Variants in PLSCR5 observed in about 807,000 individuals in gnomAD.
The protein encoded by PLSCR5 is phospholipid scramblase family member 5.
PLSCR5 carries 44 observed loss-of-function variants against 33.6 expected under a neutral mutation model. The ratio of observed to expected loss-of-function variants is 1.31; its 90% CI spans 1.03 to 1.69. The LOEUF is 1.69. PLSCR5 is among the 40% of genes most tolerant of loss of function. The pLI, the probability that PLSCR5 is intolerant of heterozygous loss-of-function variation, is 0.00. For missense variants in PLSCR5, 375 were observed against 318.7 expected (o/e 1.18, Z -1.34); for synonymous variants, 148 against 112.3 (o/e 1.32, Z -2.01).
chr3:146,584,398 G>T (rs1446106849), downstream of PLSCR5, among the ~76,000 whole-genome samples: 1 of 152,150 alleles, frequency 6.6e-6, no homozygotes, highest in African/African-American at 2.4e-5. Flanking sequence ...TCCAGGTTAT[G>T]TCTATTGCAT....
At chr3:146,584,553 C>A (rs2044653949), downstream of PLSCR5, among the ~76,000 whole-genome samples, 1 of 152,118 alleles carries the variant, frequency 6.6e-6, no homozygotes, top group Non-Finnish European at 1.5e-5. Flanking sequence ...AATTCCTAAA[C>A]TACTCTGCCT....
intron 1 of PLSCR5, among the ~76,000 whole-genome samples, chr3:146,603,448 A>C (rs2044837149): frequency 6.6e-6 from 1 of 152,066 alleles, no homozygotes; most frequent in South Asian, 2.1e-4. Flanking sequence ...CCATGCATTA[A>C]ATATTTTGAG....
At chr3:146,582,793 T>C (rs1442651742), downstream of PLSCR5, among the ~76,000 whole-genome samples, 1 of 152,232 alleles carries the variant, frequency 6.6e-6, no homozygotes, top group Non-Finnish European at 1.5e-5. Context: ...CCAACCATTA[T>C]ACTGCAGGTC....
downstream of PLSCR5, among the ~76,000 whole-genome samples, chr3:146,583,186 C>T (rs1421657543): frequency 6.6e-6 from 1 of 152,212 alleles, no homozygotes; most frequent in Non-Finnish European, 1.5e-5. Context: ...CTCCATTAAA[C>T]ACTTCTCATA....
chr3:146,600,567 C>T, intron 1 of PLSCR5, 104 bp from the exon 2 acceptor site: 1 of 1,076,008 alleles, frequency 9.3e-7, no homozygotes. Flanking sequence ...AGTTTATCTC[C>T]TGCCTCTCAT....
At chr3:146,579,143 TAAGA>T (rs1347001327) in intron 7 of PLSCR5, among the ~76,000 whole-genome samples, 1 of 152,048 alleles carries the variant, frequency 6.6e-6, no homozygotes, top group Non-Finnish European at 1.5e-5. Flanking sequence ...TTTCACAGCA[TAAGA>T]AATAGACAAA....
chr3:146,601,148 G>A (rs1243875434), intron 1 of PLSCR5, among the ~76,000 whole-genome samples: 2 of 151,378 alleles, frequency 1.3e-5, no homozygotes, highest in Non-Finnish European at 2.9e-5. Context: ...CTATATTATT[G>A]CCAGGTAAAT....
intron 2 of PLSCR5, among the ~76,000 whole-genome samples, chr3:146,597,443 C>T (rs771238174): frequency 5.0e-4 from 76 of 152,226 alleles, no homozygotes; most frequent in Non-Finnish European, 7.6e-4. Context: ...CATCACTACG[C>T]TAAATTTAAG....
intron 4 of PLSCR5, 118 bp downstream of exon 4, chr3:146,593,802 C>G: frequency 1.1e-6 from 1 of 920,026 alleles, no homozygotes; most frequent in South Asian, 1.7e-5. Context: ...GAGCAACATA[C>G]TATTAATAAT....
rs199823404 is a variant in PLSCR5, at chr3:146,591,719, C to T, written c.615+1G>A. 29 of 1,607,480 alleles carry T rather than the reference C, an allele frequency of 1.8e-5. 1 individual carries two copies. In the Admixed American group the frequency reaches 3.2e-4, roughly 18 times the overall value. On this transcript the variant is annotated splice_donor_variant, in intron 5 of 7. Transcript: ENST00000443512. LOFTEE classifies it high-confidence loss of function. ...AACTTCTTTCATTTTGTCAATTGTA[C>T]CTCAAAATCCACATCGCCAAAACAG...
At chr3:146,596,194 ATTTTT>A (rs1433003233) in intron 2 of PLSCR5, among the ~76,000 whole-genome samples, 1 of 152,068 alleles carries the variant, frequency 6.6e-6, no homozygotes, top group Admixed American at 6.6e-5. Flanking sequence ...CGTTTATTTT[ATTTTT>A]ATTTTTTGAG....
chr3:146,602,626 A>T (rs2044827634), intron 1 of PLSCR5, among the ~76,000 whole-genome samples: 1 of 152,078 alleles, frequency 6.6e-6, no homozygotes, highest in Non-Finnish European at 1.5e-5. Context: ...CTCAATTAAA[A>T]ACCATGTGTA....
downstream of PLSCR5, among the ~76,000 whole-genome samples, chr3:146,582,587 C>G: frequency 6.6e-6 from 1 of 152,144 alleles, no homozygotes; most frequent in Non-Finnish European, 1.5e-5. Flanking sequence ...CTGCTCTAAC[C>G]TCACCCTTGG....
intron 6 of PLSCR5, among the ~76,000 whole-genome samples, chr3:146,587,228 C>T (rs540804305): frequency 6.6e-6 from 1 of 152,260 alleles, no homozygotes; most frequent in East Asian, 1.9e-4. Flanking sequence ...CTTTGCACCA[C>T]ACTTTGAGTA....
intron 6 of PLSCR5, among the ~76,000 whole-genome samples, chr3:146,586,658 G>A (rs79590866): frequency 6.6e-6 from 1 of 152,130 alleles, no homozygotes; most frequent in African/African-American, 2.4e-5. Context: ...ACACCAGAGA[G>A]AACTCAAAGA....
intron 2 of PLSCR5, 84 bp downstream of exon 2, chr3:146,600,204 C>T (rs1021804216): frequency 1.9e-5 from 21 of 1,076,928 alleles, no homozygotes; most frequent in Non-Finnish European, 2.5e-5. Context: ...TAAATTCTTT[C>T]AACCTTGATT....
intron 5 of PLSCR5, chr3:146,590,140 T>C (rs1427128703): frequency 1.2e-5 from 2 of 172,188 alleles, no homozygotes; most frequent in Non-Finnish European, 2.4e-5. Context: ...TTGTATCATC[T>C]AAGCATGAAG....
At chr3:146,600,160 TATA>T (rs1423854971) in intron 2 of PLSCR5, 125 bp downstream of exon 2, 10 of 668,286 alleles carry the variant, frequency 1.5e-5, no homozygotes, top group Non-Finnish European at 2.1e-5. Context: ...TTTTATGATT[TATA>T]ATGCTTTTTT....
At chr3:146,594,210 G>T (rs2044739993) in intron 3 of PLSCR5, 70 bp from the exon 4 acceptor site, 1 of 1,105,110 alleles carries the variant, frequency 9.0e-7, no homozygotes, top group Non-Finnish European at 1.3e-6. Flanking sequence ...ATAAAGGGGA[G>T]ATGTTATTAA....
Sources: allele counts gnomAD v4.1 joint callset (sites outside exome capture counted in the v4.1 genomes callset), GRCh38; gene constraint gnomAD v4.1.1; transcripts MANE v1.5; gene names NCBI Gene and HGNC (gene_info 2026-07-23, HGNC 2026-07-21).